SYNPO2: variants seen among roughly 807,000 people sequenced by gnomAD.
The protein encoded by SYNPO2 is synaptopodin 2.
SYNPO2 carries 56 observed loss-of-function variants against 85.0 expected under a neutral mutation model. That is an observed-to-expected ratio of 0.66 (90% CI 0.53 to 0.82). SYNPO2 has a LOEUF of 0.82. Among genes scored for constraint, SYNPO2 ranks in the 40% least tolerant of loss-of-function variants. The probability of loss-of-function intolerance (pLI) is 0.00; values close to 1 mark genes in which losing one functional copy is unlikely to be tolerated. For missense variants in SYNPO2, 1,575 were observed against 1,534.2 expected, an observed-to-expected ratio of 1.03 and a Z score of -0.44; for synonymous variants, 602 against 591.1, an observed-to-expected ratio of 1.02 and a Z score of -0.27.
chr4:118,879,947 C>T (rs1732047466), intron 1 of SYNPO2, among the ~76,000 whole-genome samples: 1 of 151,882 alleles, frequency 6.6e-6, no homozygotes, highest in African/African-American at 2.4e-5. Flanking sequence ...TTTAGAGACC[C>T]AGGAGCAGCA....
At chr4:118,997,963 A>G (rs1331536375) in intron 1 of SYNPO2, among the ~76,000 whole-genome samples, 1 of 152,174 alleles carries the variant, frequency 6.6e-6, no homozygotes, top group Non-Finnish European at 1.5e-5. Context: ...AAGATCTTAG[A>G]TGTCCCTGAC....
intron 1 of SYNPO2, among the ~76,000 whole-genome samples, chr4:118,899,942 A>G (rs1433886271): frequency 6.6e-6 from 1 of 151,974 alleles, no homozygotes; most frequent in African/African-American, 2.4e-5. Context: ...TTGTAGTTTT[A>G]GTAGAGATGA....
intron 3 of SYNPO2, among the ~76,000 whole-genome samples, chr4:119,029,306 A>G (rs1188919846): frequency 1.3e-5 from 2 of 152,166 alleles, no homozygotes; most frequent in African/African-American, 4.8e-5. Context: ...AAAAAAAGAA[A>G]AAAGAGAAAG....
At chr4:119,028,076 C>T (rs1738048330) in intron 3 of SYNPO2, among the ~76,000 whole-genome samples, 1 of 152,110 alleles carries the variant, frequency 6.6e-6, no homozygotes, top group Non-Finnish European at 1.5e-5. Context: ...ATTTAAATGT[C>T]TCCAAACATA....
At chr4:118,894,074 A>T (rs991585800) in intron 1 of SYNPO2, among the ~76,000 whole-genome samples, 3 of 151,344 alleles carry the variant, frequency 2.0e-5, no homozygotes, top group Non-Finnish European at 4.4e-5. Flanking sequence ...CTGGTTCATG[A>T]AATCATCATC....
At position 119,057,962 on chromosome 4, in the gene SYNPO2, C is replaced by T. The variant is rs1438536057; in HGVS notation, c.*28C>T. 2 of 1,564,912 alleles carry T rather than the reference C, an allele frequency of 1.3e-6. No homozygotes were observed. Among genetic ancestry groups the T allele is most frequent in the Admixed American group, 4.0e-5 (2 of 49,674 alleles). The stretch of plus-strand genomic sequence containing the variant: ...GTTAGAAGAACGGATCATGTGCCAA[C>T]TGTAGTTTTTTAAAAAAAACGCTCC... On this transcript the variant is annotated 3_prime_UTR_variant, in exon 5 of 5. Coordinates refer to ENST00000307142, the MANE Select transcript of SYNPO2 (RefSeq NM_133477.3).
At chr4:118,925,025 A>G (rs572082645) in intron 1 of SYNPO2, among the ~76,000 whole-genome samples, 1 of 152,286 alleles carries the variant, frequency 6.6e-6, no homozygotes, top group Admixed American at 6.5e-5. Flanking sequence ...GGAGTGAAGG[A>G]TAGGCTTGTT....
At chr4:118,950,695 A>G (rs1032051062) in intron 1 of SYNPO2, among the ~76,000 whole-genome samples, 30 of 152,330 alleles carry the variant, frequency 2.0e-4, no homozygotes, top group African/African-American at 7.2e-4. Context: ...CTCACAGGCA[A>G]GTGGACTATC....
At chr4:118,905,301 C>A (rs1215635300) in intron 1 of SYNPO2, among the ~76,000 whole-genome samples, 1 of 152,118 alleles carries the variant, frequency 6.6e-6, no homozygotes, top group African/African-American at 2.4e-5. Context: ...TTCACTGCTC[C>A]TATTCTCTTA....
At chr4:118,995,130 C>T (rs1736541087) in intron 1 of SYNPO2, among the ~76,000 whole-genome samples, 1 of 152,152 alleles carries the variant, frequency 6.6e-6, no homozygotes, top group African/African-American at 2.4e-5. Context: ...CATGAACACT[C>T]ACCAGTGCTG....
chr4:118,961,279 G>A (rs1344245156), intron 1 of SYNPO2, among the ~76,000 whole-genome samples: 1 of 152,112 alleles, frequency 6.6e-6, no homozygotes, highest in Non-Finnish European at 1.5e-5. Context: ...TGCCGAGGAT[G>A]AGAAACCCCA....
At chr4:118,850,919 G>A in exon 1 of SYNPO2, 3 of 398,710 alleles carry the variant, frequency 7.5e-6, no homozygotes, top group Non-Finnish European at 1.3e-5. Flanking sequence ...AAAGAGATGA[G>A]ACAAGAGGAA....
At chr4:118,977,350 G>T (rs1198849039) in intron 1 of SYNPO2, among the ~76,000 whole-genome samples, 3 of 152,224 alleles carry the variant, frequency 2.0e-5, no homozygotes, top group African/African-American at 7.2e-5. Flanking sequence ...CGAGTGCGGG[G>T]CCTGCCAACC....
At chr4:118,929,233 A>C (rs190404504) in intron 1 of SYNPO2, among the ~76,000 whole-genome samples, 1 of 152,258 alleles carries the variant, frequency 6.6e-6, no homozygotes, top group African/African-American at 2.4e-5. Context: ...GCAGAAGCAA[A>C]TAATAATCAT....
At chr4:119,010,687 G>A (rs1737262826) in intron 1 of SYNPO2, among the ~76,000 whole-genome samples, 1 of 152,064 alleles carries the variant, frequency 6.6e-6, no homozygotes, top group Non-Finnish European at 1.5e-5. Flanking sequence ...TATCATGTTG[G>A]GTTGTAATTA....
intron 1 of SYNPO2, among the ~76,000 whole-genome samples, chr4:118,916,224 G>A (rs933357818): frequency 2.0e-5 from 3 of 151,236 alleles, no homozygotes; most frequent in African/African-American, 7.3e-5. Flanking sequence ...CCAGGCTGGA[G>A]TGCAGTGGTA....
At chr4:118,861,801 C>T (rs746614632) in intron 1 of SYNPO2, among the ~76,000 whole-genome samples, 1 of 152,150 alleles carries the variant, frequency 6.6e-6, no homozygotes, top group Non-Finnish European at 1.5e-5. Flanking sequence ...GTTCTTTCTG[C>T]TCAGGATAGC....
chr4:118,888,069 A>T (rs528135860), upstream of SYNPO2, among the ~76,000 whole-genome samples: 6 of 152,198 alleles, frequency 3.9e-5, no homozygotes, highest in African/African-American at 1.4e-4. Flanking sequence ...ATGACATGGG[A>T]TGACAAACTA....
chr4:119,024,384 G>T (rs1005056173), intron 2 of SYNPO2, among the ~76,000 whole-genome samples: 1 of 152,188 alleles, frequency 6.6e-6, no homozygotes, highest in African/African-American at 2.4e-5. Flanking sequence ...CTTTTAGGAA[G>T]ATGTCAGAGG....
Sources: gnomAD v4.1 joint callset for allele counts (sites outside exome capture counted in the v4.1 genomes callset) on GRCh38, gnomAD v4.1.1 for gene constraint, MANE v1.5 for transcripts, NCBI Gene and HGNC (gene_info 2026-07-23, HGNC 2026-07-21) for gene names.